Variants in PAQR8 observed in about 807,000 individuals in gnomAD.
PAQR8 encodes the protein membrane progestin receptor beta.
PAQR8 carries 17 observed loss-of-function variants against 25.2 expected under a neutral mutation model. The ratio of observed to expected loss-of-function variants is 0.67; its 90% confidence interval spans 0.46 to 1.01. The LOEUF is 1.01. Among genes scored for constraint, PAQR8 ranks in the 50% least tolerant of loss-of-function variants. The pLI, the probability that PAQR8 is intolerant of heterozygous loss-of-function variation, is 0.00. For missense variants in PAQR8, 392 were observed against 448.4 expected (o/e 0.87, Z 1.14); for synonymous variants, 204 against 190.6 (o/e 1.07, Z -0.58).
chr6:52,378,061 CA>C (rs1763505519), intron 1 of PAQR8, among the ~76,000 whole-genome samples: 5 of 152,158 alleles, frequency 3.3e-5, no homozygotes. Flanking sequence ...GGATTTTGGG[CA>C]AGGGACTTCA....
chr6:52,404,081 T>C lies in PAQR8; in HGVS notation c.868T>C (p.Ser290Pro). 2 of 1,614,250 alleles carry C rather than the reference T, an allele frequency of 1.2e-6. No homozygotes were observed. The highest frequency in any genetic ancestry group is 1.7e-6 in the Non-Finnish European group (2 of 1,180,030). ...HGHQIFHAFL[S>P]ICTLSQLEAI... ...GCATCAGATCTTCCATGCATTTCTG[T>C]CCATCTGTACGCTCTCCCAGCTGGA... Residue 290 changes from serine (S) to proline (P), a missense_variant, in exon 2 of 2, where the codon TCC (serine) becomes CCC (proline). Transcript: ENST00000442253.
chr6:52,375,403 T>A (rs1763474032), intron 1 of PAQR8, among the ~76,000 whole-genome samples: 1 of 152,324 alleles, frequency 6.6e-6, no homozygotes, highest in South Asian at 2.1e-4. Flanking sequence ...TAGCCTGTGG[T>A]CATATTAGGT....
intron 1 of PAQR8, among the ~76,000 whole-genome samples, chr6:52,371,469 G>T (rs1763418616): frequency 6.6e-6 from 1 of 152,136 alleles, no homozygotes; most frequent in Non-Finnish European, 1.5e-5. Context: ...AGCATGAATT[G>T]CATAGGAGAG....
chr6:52,392,636 T>C (rs1763723373), intron 1 of PAQR8, among the ~76,000 whole-genome samples: 2 of 152,372 alleles, frequency 1.3e-5, no homozygotes, highest in Non-Finnish European at 1.5e-5. Flanking sequence ...GCTATATGCA[T>C]AGCAGATTTA....
intron 1 of PAQR8, among the ~76,000 whole-genome samples, chr6:52,368,141 C>A (rs1040751930): frequency 5.3e-5 from 8 of 152,172 alleles, no homozygotes; most frequent in African/African-American, 1.7e-4. Context: ...CACACACACA[C>A]ACACGAGCCA....
At chr6:52,368,649 C>T (rs895002119) in intron 1 of PAQR8, among the ~76,000 whole-genome samples, 7 of 152,124 alleles carry the variant, frequency 4.6e-5, no homozygotes, top group Non-Finnish European at 1.0e-4. Context: ...GATAAATTTA[C>T]CTCATTCAAT....
chr6:52,401,298 G>C (rs1049810555), intron 1 of PAQR8, among the ~76,000 whole-genome samples: 3 of 152,084 alleles, frequency 2.0e-5, no homozygotes, highest in African/African-American at 7.2e-5. Flanking sequence ...TGCTGTATGT[G>C]CTTGCTGTAT....
chr6:52,403,218 C>T lies in PAQR8; in HGVS notation c.5C>T (p.Thr2Met), dbSNP rs1329005473. 3 of 1,591,892 alleles carry T rather than the reference C, an allele frequency of 1.9e-6. No individual in the cohort carries two copies. Among genetic ancestry groups the T allele is most frequent in the South Asian group, 1.1e-5 (1 of 90,524 alleles). Residue 2 changes from threonine (T) to methionine (M), a missense_variant, in exon 2 of 2, where the codon ACG (threonine) becomes ATG (methionine). Transcript: ENST00000442253. M[T>M]TAILERLSTL... Reference sequence around the variant, plus strand: ...GAGTGCATGCGGGCCGCTGCCATGACGACCGCCATCTTGGAGCGCCTGAGC... The same window carrying T: ...GAGTGCATGCGGGCCGCTGCCATGATGACCGCCATCTTGGAGCGCCTGAGC...
Position 52,403,701 on chromosome 6 carries a change from T to C in PAQR8, c.488T>C (p.Phe163Ser). The C allele has an allele frequency of 2.5e-6, 4 of 1,614,246 alleles. No homozygotes were observed. The highest frequency in any genetic ancestry group is 3.4e-6 in the Non-Finnish European group (4 of 1,180,042). Residue 163 changes from phenylalanine to serine, a missense_variant, in exon 2 of 2, where the codon TTC becomes TCC. Coordinates refer to ENST00000442253, the MANE Select transcript of PAQR8 (RefSeq NM_133367.5). Reference sequence around the variant, plus strand: ...CAATATGGCAGTGCTTTGGCTCATTTCTTCTACAGCTCTGACCAGGCCTGG... The same window carrying C: ...CAATATGGCAGTGCTTTGGCTCATTCCTTCTACAGCTCTGACCAGGCCTGG... ...VYQYGSALAH[F>S]FYSSDQAWYD...
intron 1 of PAQR8, among the ~76,000 whole-genome samples, chr6:52,385,319 G>A (rs1325767883): frequency 6.6e-6 from 1 of 152,100 alleles, no homozygotes; most frequent in Non-Finnish European, 1.5e-5. Context: ...TGATTGTGAG[G>A]CCTCTCCAGC....
At chr6:52,383,433 G>A (rs1163052500) in intron 1 of PAQR8, among the ~76,000 whole-genome samples, 6 of 151,948 alleles carry the variant, frequency 3.9e-5, no homozygotes, top group African/African-American at 1.2e-4. Flanking sequence ...AGGCCGAGGC[G>A]GGCGGATCAC....
chr6:52,387,085 C>T (rs1763641361), intron 1 of PAQR8, among the ~76,000 whole-genome samples: 1 of 152,174 alleles, frequency 6.6e-6, no homozygotes, highest in East Asian at 1.9e-4. Flanking sequence ...AATCTTGGCT[C>T]ACTTCTCTGC....
At chr6:52,379,411 A>T (rs1319853516) in intron 1 of PAQR8, among the ~76,000 whole-genome samples, 1 of 152,124 alleles carries the variant, frequency 6.6e-6, no homozygotes, top group African/African-American at 2.4e-5. Flanking sequence ...TGAACTGTAC[A>T]CTTAAAATGG....
At chr6:52,372,200 T>G (rs1044209824) in intron 1 of PAQR8, among the ~76,000 whole-genome samples, 2 of 152,214 alleles carry the variant, frequency 1.3e-5, no homozygotes, top group Non-Finnish European at 2.9e-5. Context: ...TGCTTAGCTT[T>G]TGGCTGGAAA....
In PAQR8 at chr6:52,404,359, G is replaced by A. The variant is rs1763883228; in HGVS notation, c.*81G>A. ...GATACAATAGAAGCTGACTTTTAAG[G>A]CATTGGCTTTTAAATTAATACATAT... On this transcript the variant is annotated 3_prime_UTR_variant, in exon 2 of 2. Transcript: ENST00000442253. 3 of 1,283,362 alleles carry A rather than the reference G, an allele frequency of 2.3e-6. No homozygotes were observed. The highest frequency in any genetic ancestry group is 2.1e-6 in the Non-Finnish European group (2 of 945,530). The allele number at this position is 1,283,362 out of a possible 1,614,324, so 79.5% of individuals were successfully genotyped here.
rs1763876156 is a variant in PAQR8 at position 52,403,975 on chromosome 6, C to T, written c.762C>T (p.Phe254=). The T allele has an allele frequency of 6.2e-7, 1 of 1,614,248 alleles. No homozygotes were observed. The highest frequency in any genetic ancestry group is 8.5e-7 in the Non-Finnish European group (1 of 1,180,048). ...AAWYHTLQIL[F]FLVSAYFFSC... ...GGTACCACACCCTCCAGATCCTCTT[C>T]TTCCTGGTTAGCGCTTATTTCTTCT... Residue 254 remains phenylalanine (F), a synonymous_variant, in exon 2 of 2, where the codon TTC becomes TTT. Transcript: ENST00000442253.
intron 1 of PAQR8, among the ~76,000 whole-genome samples, chr6:52,389,513 G>C (rs10046297): frequency 6.6e-6 from 1 of 152,200 alleles, no homozygotes; most frequent in African/African-American, 2.4e-5. Context: ...GATAGATAAG[G>C]GTTGGGGGCG....
chr6:52,377,319 G>A (rs898386791), intron 1 of PAQR8, among the ~76,000 whole-genome samples: 3 of 151,970 alleles, frequency 2.0e-5, no homozygotes, highest in Non-Finnish European at 4.4e-5. Flanking sequence ...GGTACCAGAA[G>A]GATTGTGGTT....
intron 1 of PAQR8, among the ~76,000 whole-genome samples, chr6:52,382,040 C>A (rs568421540): frequency 6.6e-6 from 1 of 152,312 alleles, no homozygotes; most frequent in East Asian, 1.9e-4. Context: ...AGGGGCCACT[C>A]TGGCAAAAAT....
Sources: allele counts gnomAD v4.1 joint callset (sites outside exome capture counted in the v4.1 genomes callset), GRCh38; gene constraint gnomAD v4.1.1; transcripts MANE v1.5; gene names NCBI Gene and HGNC (gene_info 2026-07-23, HGNC 2026-07-21).